Variants in TBC1D5 observed in about 807,000 individuals in gnomAD.
TBC1D5 encodes TBC1 domain family member 5.
Under a neutral mutation model 100.3 loss-of-function variants are expected in TBC1D5, and 75 were observed. The observed-to-expected ratio is 0.75, with a 90% CI of 0.62 to 0.91. The LOEUF (loss-of-function observed/expected upper bound fraction) is 0.91, where lower values mean the gene tolerates loss of function less well. Among genes scored for constraint, TBC1D5 ranks in the 40% least tolerant of loss-of-function variants. The pLI is 0.00. For synonymous variants in TBC1D5, 323 were observed against 325.6 expected (o/e 0.99, Z 0.09); for missense variants, 910 against 942.4 (o/e 0.97, Z 0.45).
chr3:17,697,991 C>A (rs1177987846), intron 1 of TBC1D5, among the ~76,000 whole-genome samples: 1 of 151,630 alleles, frequency 6.6e-6, no homozygotes, highest in Non-Finnish European at 1.5e-5. Flanking sequence ...AGATTCAATG[C>A]CATCCCCATC....
intron 15 of TBC1D5, among the ~76,000 whole-genome samples, chr3:17,277,531 T>A (rs913453004): frequency 6.6e-6 from 1 of 152,190 alleles, no homozygotes; most frequent in East Asian, 1.9e-4. Flanking sequence ...TAACAGTATA[T>A]CAATTTTCAA....
chr3:17,278,568 T>C (rs1305762456), intron 15 of TBC1D5, among the ~76,000 whole-genome samples: 1 of 152,234 alleles, frequency 6.6e-6, no homozygotes, highest in African/African-American at 2.4e-5. Context: ...TATGATTCAA[T>C]ATGCTTCTGT....
chr3:17,164,967 C>T (rs150313854), intron 21 of TBC1D5, among the ~76,000 whole-genome samples: 1,542 of 152,304 alleles, frequency 0.01, 10 homozygotes, highest in Non-Finnish European at 0.014. Context: ...TGGGGAAGGG[C>T]CATGGCAGAG....
Position 17,225,897 on chromosome 3 carries a change from T to C in TBC1D5, c.1589-11527A>G, listed in dbSNP as rs553609542. 2.6e-5 allele frequency among the ~76,000 whole-genome samples: 4 copies of C among 152,166 alleles called. No individual in the cohort carries two copies. The East Asian group carries it at 5.8e-4, about 22-fold the overall frequency. On this transcript the variant is annotated intron_variant, in intron 17 of 21. Coordinates refer to ENST00000253692, the Ensembl canonical transcript of TBC1D5. Reference sequence around the variant, plus strand: ...CATAGCATTTACATCGTATTTGGTATTATAGGTAATCTAGAGATGAAGTAT... The same window carrying C: ...CATAGCATTTACATCGTATTTGGTACTATAGGTAATCTAGAGATGAAGTAT...
Position 17,556,779 on chromosome 3 carries a change from A to C in TBC1D5, c.-35-48174T>G, listed in dbSNP as rs576841897. Among the ~76,000 whole-genome samples the C allele has an allele frequency of 2.0e-5, 3 of 152,362 alleles. No individual in the cohort carries two copies. In the East Asian group the frequency reaches 5.8e-4, roughly 29 times the overall value. ...GATTGTTATACACTACAGAACCATT[A>C]AGAGCATGAAGTTACCATTAGTAAC... On this transcript the variant is annotated intron_variant, in intron 2 of 21. Coordinates refer to ENST00000253692, the Ensembl canonical transcript of TBC1D5.
chr3:17,687,958 C>A (rs56221450), intron 1 of TBC1D5, among the ~76,000 whole-genome samples: 33,420 of 152,036 alleles, frequency 0.22, 4,864 homozygotes, highest in Non-Finnish European at 0.32. Flanking sequence ...AAAGTTACAA[C>A]TCTTCAAAGA....
intron 10 of TBC1D5, among the ~76,000 whole-genome samples, chr3:17,375,216 T>C (rs1486871000): frequency 6.6e-6 from 1 of 152,118 alleles, no homozygotes; most frequent in African/African-American, 2.4e-5. Context: ...TTGTAAATTA[T>C]ATTCTACATG....
chr3:17,648,773 A>G (rs1265627239), intron 1 of TBC1D5, among the ~76,000 whole-genome samples: 1 of 152,196 alleles, frequency 6.6e-6, no homozygotes, highest in Non-Finnish European at 1.5e-5. Flanking sequence ...CAAAACCACA[A>G]TGAGACACCA....
chr3:17,286,946 ACT>A (rs1160691594), intron 15 of TBC1D5, among the ~76,000 whole-genome samples: 1 of 152,106 alleles, frequency 6.6e-6, no homozygotes, highest in Non-Finnish European at 1.5e-5. Context: ...CAGTTCTAAA[ACT>A]CTGACAGCCT....
intron 13 of TBC1D5, among the ~76,000 whole-genome samples, chr3:17,352,445 G>A (rs903806311): frequency 7.9e-5 from 12 of 151,732 alleles, no homozygotes; most frequent in Admixed American, 3.3e-4. Context: ...TAAAAGAAGA[G>A]AAATAAATTT....
intron 2 of TBC1D5, among the ~76,000 whole-genome samples, chr3:17,616,716 C>T (rs1370453381): frequency 2.0e-5 from 3 of 152,052 alleles, no homozygotes; most frequent in Non-Finnish European, 4.4e-5. Context: ...GCAACCCCTG[C>T]CTTTTTTTGC....
intron 20 of TBC1D5, among the ~76,000 whole-genome samples, chr3:17,167,306 A>G (rs551867662): frequency 6.6e-6 from 1 of 152,318 alleles, no homozygotes; most frequent in South Asian, 2.1e-4. Context: ...AGGCATTTGG[A>G]AACAGCATAC....
chr3:17,236,374 G>C lies in TBC1D5; in HGVS notation c.1588+1789C>G, dbSNP rs146726720. On this transcript the variant is annotated intron_variant, in intron 17 of 21. Transcript: ENST00000253692. ...AACATTCATTTCCATTCTGGAAATG[G>C]GTATATCTCCTGGCATTAAAATACA... 9.2e-3 allele frequency among the ~76,000 whole-genome samples: 1,396 copies of C among 152,060 alleles called. 23 individuals are homozygous for C. The highest frequency in any genetic ancestry group is 0.031 in the African/African-American group (1,301 of 41,464).
At chr3:17,739,938 G>T (rs866220093) in exon 1 of TBC1D5, 1 of 152,122 alleles carries the variant, frequency 6.6e-6, no homozygotes, top group African/African-American at 2.4e-5. Flanking sequence ...CTGGGAGGCG[G>T]AGATTGCGGT....
chr3:17,355,185 TTCAAAAA>T (rs2091096181), intron 13 of TBC1D5, among the ~76,000 whole-genome samples: 1 of 152,088 alleles, frequency 6.6e-6, no homozygotes, highest in Non-Finnish European at 1.5e-5. Context: ...CCAACTTATG[TTCAAAAA>T]AAGGTATGGC....
At chr3:17,320,126 T>C (rs1208753408) in intron 13 of TBC1D5, among the ~76,000 whole-genome samples, 3 of 152,216 alleles carry the variant, frequency 2.0e-5, no homozygotes, top group African/African-American at 4.8e-5. Context: ...CGTGTAAATA[T>C]ATCTTGGAAG....
At chr3:17,376,431 G>A (rs1197169363) in intron 10 of TBC1D5, 94 bp downstream of exon 10, 1 of 1,029,086 alleles carries the variant, frequency 9.7e-7, no homozygotes, top group Non-Finnish European at 1.4e-6. Flanking sequence ...CAGCTTGTAA[G>A]TACCTTCCAT....
intron 1 of TBC1D5, among the ~76,000 whole-genome samples, chr3:17,693,858 T>G (rs1430814254): frequency 6.6e-6 from 1 of 152,002 alleles, no homozygotes; most frequent in African/African-American, 2.4e-5. Context: ...TATAAGCGGG[T>G]GCCCCTCTGG....
In TBC1D5 at chr3:17,455,502, A is replaced by ATG. The variant is rs200775022; in HGVS notation, c.98-26985_98-26984dup. Among the ~76,000 whole-genome samples the ATG allele has an allele frequency of 1.7e-3, 205 of 120,986 alleles. 1 individual carries two copies. The highest frequency in any genetic ancestry group is 0.017 in the East Asian group (77 of 4,646). The allele number at this position is 120,986 out of a possible 152,430, so 79.4% of individuals were successfully genotyped here. ...TATGTATATATATGTGTATATATAT[A>ATG]TGTGTGTGTGTATATATATATATAT... is the stretch of plus-strand genomic sequence containing the variant. On this transcript the variant is annotated intron_variant, in intron 3 of 21. Coordinates refer to ENST00000253692, the Ensembl canonical transcript of TBC1D5.
Sources: allele counts gnomAD v4.1 joint callset (sites outside exome capture counted in the v4.1 genomes callset), GRCh38; gene constraint gnomAD v4.1.1; transcripts MANE v1.5; gene names NCBI Gene and HGNC (gene_info 2026-07-23, HGNC 2026-07-21).